MROH7: variants seen among roughly 807,000 people sequenced by gnomAD.
MROH7 encodes maestro heat-like repeat-containing protein family member 7.
MROH7 carries 113 observed loss-of-function variants against 129.2 expected under a neutral mutation model. The ratio of observed to expected loss-of-function variants is 0.87; its 90% CI spans 0.75 to 1.02. The LOEUF is 1.02. MROH7 is among the 50% of genes least tolerant of loss of function. The pLI is 0.00. For missense variants in MROH7, 1,601 were observed against 1,671.3 expected (o/e 0.96, Z 0.73); for synonymous variants, 655 against 667.9 (o/e 0.98, Z 0.30).
At position 54,709,073 on chromosome 1, in the gene MROH7, G is replaced by T. The variant is rs368891569; in HGVS notation, c.3727G>T (p.Ala1243Ser). The T allele has an allele frequency of 2.2e-5, 36 of 1,614,070 alleles. No individual in the cohort carries two copies. The highest frequency in any genetic ancestry group is 2.4e-5 in the Non-Finnish European group (28 of 1,180,008). The change falls in exon 23 of 24, where the codon GCT (alanine) becomes TCT (serine). Residue 1243 changes from alanine to serine, a missense_variant. Transcript: ENST00000421030. ...MTEDRLNEVK[A>S]ALDNLRHDPE... is the part of the protein sequence containing the mutation. ...AGAAGATCGTCTGAATGAAGTGAAA[G>T]CTGGTAAGTCATGCCCCGCATTGGT...
In MROH7 at chr1:54,682,742, T is replaced by G; in HGVS notation, c.2468T>G (p.Leu823Arg). Residue 823 changes from leucine (L) to arginine (R), a missense_variant, in exon 14 of 24, where the codon CTG becomes CGG. Coordinates refer to ENST00000421030, the MANE Select transcript of MROH7 (RefSeq NM_001039464.4). ...RDLLDLLLGS[L>R]KEKPVTKEGR... ...CTCCTGGATCTGCTCCTGGGCAGCCTGAAGGAGAAGCCCGTCACCAAGGAG... is the reference window on the plus strand; with the variant it reads ...CTCCTGGATCTGCTCCTGGGCAGCCGGAAGGAGAAGCCCGTCACCAAGGAG... 1 of 1,614,098 alleles carries G rather than the reference T, an allele frequency of 6.2e-7. No homozygotes were observed. The highest frequency in any genetic ancestry group is 8.5e-7 in the Non-Finnish European group (1 of 1,180,016).
intron 17 of MROH7, chr1:54,699,121 TC>T (rs1362104573): frequency 1.0e-3 from 93 of 89,340 alleles, no homozygotes; most frequent in African/African-American, 3.6e-3. Flanking sequence ...TTTCTTTCTT[TC>T]TTTCTTTCTT....
chr1:54,702,553 CA>C, intron 20 of MROH7, 69 bp from the exon 21 acceptor site: 1 of 1,396,742 alleles, frequency 7.2e-7, no homozygotes. Context: ...ACTGAGTTTT[CA>C]AAATCCCTTT....
chr1:54,655,311 G>A (rs1456882457), intron 3 of MROH7, among the ~76,000 whole-genome samples: 3 of 151,782 alleles, frequency 2.0e-5, no homozygotes, highest in Non-Finnish European at 4.4e-5. Flanking sequence ...CACCACACCC[G>A]ACCGAGAATC....
intron 13 of MROH7, among the ~76,000 whole-genome samples, chr1:54,680,537 T>G (rs1352196799): frequency 1.3e-5 from 2 of 152,178 alleles, no homozygotes; most frequent in African/African-American, 4.8e-5. Context: ...GTCATGACAG[T>G]AATGCAGCCA....
chr1:54,653,553 T>C lies in MROH7; in HGVS notation c.627T>C (p.Ser209=). 1 of 1,614,132 alleles carries C rather than the reference T, an allele frequency of 6.2e-7. No homozygotes were observed. Among genetic ancestry groups the C allele is most frequent in the South Asian group, 1.1e-5 (1 of 91,080 alleles). The change falls in exon 3 of 24, where the codon TCT becomes TCC. Residue 209 remains serine (S), a synonymous_variant. Coordinates refer to ENST00000421030, the MANE Select transcript of MROH7 (RefSeq NM_001039464.4). ...TCCTTATTCCAACCTCAAACTCTTC[T>C]CTGGACCTTGACTCCAATCCATTGC... ...KALLIPTSNS[S]LDLDSNPLLN...
In MROH7 at chr1:54,653,266, A is replaced by G. The variant is rs1644587035; in HGVS notation, c.340A>G (p.Arg114Gly). 6.2e-7 allele frequency: 1 copy of G among 1,614,042 alleles called. No homozygotes were observed. The highest frequency in any genetic ancestry group is 1.7e-5 in the Admixed American group (1 of 59,996). The stretch of plus-strand genomic sequence containing the variant: ...GGACCTGGATTCCAAGGATGTCTCA[A>G]GGCCTGACTCACAGGGGCGCCTCTG... ...ALDLDSKDVSRPDSQGRLCPA... is the reference protein window; with the variant it reads ...ALDLDSKDVSGPDSQGRLCPA... Residue 114 changes from arginine (R) to glycine (G), a missense_variant, in exon 3 of 24, where the codon AGG becomes GGG. Transcript: ENST00000421030.
intron 19 of MROH7, among the ~76,000 whole-genome samples, 188 bp from the exon 20 acceptor site, chr1:54,701,902 C>G (rs1645442691): frequency 6.6e-6 from 1 of 151,830 alleles, no homozygotes; most frequent in Admixed American, 6.6e-5. Context: ...CTGCTCCTAG[C>G]AGAGGAGGAG....
intron 10 of MROH7, 75 bp downstream of exon 10, chr1:54,674,226 T>G: frequency 6.5e-7 from 1 of 1,529,264 alleles, no homozygotes; most frequent in African/African-American, 1.4e-5. Context: ...AAGAATCAGC[T>G]GGAGCCTTGG....
intron 1 of MROH7, among the ~76,000 whole-genome samples, chr1:54,647,944 T>C (rs976321593): frequency 6.7e-6 from 1 of 149,768 alleles, no homozygotes; most frequent in African/African-American, 2.5e-5. Flanking sequence ...GGGATAGGAG[T>C]TCAACTTCAT....
chr1:54,671,260 C>T (rs1373742342), intron 7 of MROH7, among the ~76,000 whole-genome samples: 5 of 151,812 alleles, frequency 3.3e-5, no homozygotes, highest in South Asian at 2.1e-4. Context: ...CTTAGCCGGG[C>T]GTGGCAGCGG....
chr1:54,709,791 A>G (rs1263450814), intron 23 of MROH7, among the ~76,000 whole-genome samples, 155 bp from the exon 24 acceptor site: 1 of 151,984 alleles, frequency 6.6e-6, no homozygotes, highest in Non-Finnish European at 1.5e-5. Flanking sequence ...GCTCTGAAAA[A>G]TGTGAATAAT....
At chr1:54,699,666 G>C (rs2101209985) in intron 17 of MROH7, 1 of 179,706 alleles carries the variant, frequency 5.6e-6, no homozygotes, top group East Asian at 1.5e-4. Context: ...TTCCGCACCA[G>C]AGTTGATGTT....
chr1:54,701,795 T>C (rs760533725), intron 19 of MROH7, among the ~76,000 whole-genome samples: 31 of 152,144 alleles, frequency 2.0e-4, no homozygotes, highest in Non-Finnish European at 3.5e-4. Flanking sequence ...CTTGAACTCC[T>C]GGGACTCACG....
rs1398405813 is a variant in MROH7, at chr1:54,668,660, ACTC to A, written c.1306-189_1306-187del. Among the ~76,000 whole-genome samples the A allele has an allele frequency of 2.0e-5, 3 of 151,892 alleles. No individual in the cohort carries two copies. The East Asian group carries it at 5.8e-4, about 29-fold the overall frequency. On this transcript the variant is annotated intron_variant, in intron 4 of 23. Coordinates refer to ENST00000421030, the MANE Select transcript of MROH7 (RefSeq NM_001039464.4). ...TTCCAAATGCTGGCATTCAGGATTAACTCCTCCAACCCCTCAATATTCTCCAAT... is the reference window on the plus strand; with the variant it reads ...TTCCAAATGCTGGCATTCAGGATTAACTCCAACCCCTCAATATTCTCCAAT...
intron 3 of MROH7, chr1:54,663,823 C>T (rs181246870): frequency 1.3e-5 from 6 of 448,792 alleles, no homozygotes; most frequent in Middle Eastern, 3.4e-4. Flanking sequence ...CTCCAAGGAG[C>T]CTTGTTCCTT....
In MROH7 at chr1:54,652,852, G is replaced by A. The variant is rs140180910; in HGVS notation, c.-74-1G>A. 1 of 1,514,712 alleles carries A rather than the reference G, an allele frequency of 6.6e-7. No homozygotes were observed. Among genetic ancestry groups the A allele is most frequent in the Non-Finnish European group, 8.8e-7 (1 of 1,132,272 alleles). The allele number at this position is 1,514,712 out of a possible 1,614,324, so 93.8% of individuals were successfully genotyped here. On this transcript the variant is annotated splice_acceptor_variant, in intron 2 of 23. Transcript: ENST00000421030. LOFTEE classifies it low-confidence loss of function (5UTR_SPLICE). ...TGCATTTGTCTTTTCTCTCTCTCAAGACTGCTGCTGGGAATGTGACAGTTG... is the reference window on the plus strand; with the variant it reads ...TGCATTTGTCTTTTCTCTCTCTCAAAACTGCTGCTGGGAATGTGACAGTTG...
chr1:54,697,656 C>A (rs1197019005), intron 17 of MROH7: 1 of 703,296 alleles, frequency 1.4e-6, no homozygotes, highest in South Asian at 1.5e-5. Flanking sequence ...TGCACAGCAA[C>A]CCTGCGAAGA....
chr1:54,654,719 A>G (rs920660656), intron 3 of MROH7, among the ~76,000 whole-genome samples: 1 of 152,128 alleles, frequency 6.6e-6, no homozygotes, highest in African/African-American at 2.4e-5. Flanking sequence ...TTCTGTCCAA[A>G]TTATGTCTAT....
Sources: gnomAD v4.1 joint callset for allele counts (sites outside exome capture counted in the v4.1 genomes callset) on GRCh38, gnomAD v4.1.1 for gene constraint, MANE v1.5 for transcripts, NCBI Gene and HGNC (gene_info 2026-07-23, HGNC 2026-07-21) for gene names.